OGDH: variants seen among roughly 807,000 people sequenced by gnomAD.
OGDH encodes oxoglutarate dehydrogenase.
OGDH carries 38 observed loss-of-function variants against 116.6 expected under a neutral mutation model. The observed-to-expected ratio is 0.33, with a 90% CI of 0.25 to 0.43. The LOEUF (loss-of-function observed/expected upper bound fraction) is 0.43, where lower values mean the gene tolerates loss of function less well. Among genes scored for constraint, OGDH ranks in the 20% least tolerant of loss-of-function variants. The pLI is 1.00. For missense variants in OGDH, 825 were observed against 1,357.2 expected (o/e 0.61, Z 6.16); for synonymous variants, 488 against 533.3 (o/e 0.92, Z 1.17).
Position 44,681,593 on chromosome 7 carries a change from A to G in OGDH, c.1207-127A>G, listed in dbSNP as rs562193579. On this transcript the variant is annotated intron_variant, in intron 9 of 22. Coordinates refer to ENST00000222673, the MANE Select transcript of OGDH (RefSeq NM_002541.4). ...TTGGGGCCCTGTGGACTTTCCTGCT[A>G]CTTTCTATGTTTGAAATTATCTCAA... 5.2e-6 allele frequency: 7 copies of G among 1,335,508 alleles called. No individual in the cohort carries two copies. In the Admixed American group the frequency reaches 1.1e-4, roughly 21 times the overall value. 82.7% of individuals were successfully genotyped at this position (1,335,508 alleles called of 1,614,324 possible). A position where few individuals can be genotyped will look rare whatever the true frequency, so the allele number is the denominator to read the frequency against.
chr7:44,658,325 T>C (rs1314907649), intron 4 of OGDH, among the ~76,000 whole-genome samples: 1 of 152,200 alleles, frequency 6.6e-6, no homozygotes, highest in Non-Finnish European at 1.5e-5. Flanking sequence ...TGTTTTGTTA[T>C]ATTTACACTT....
At chr7:44,665,744 G>C (rs1787157727) in intron 4 of OGDH, among the ~76,000 whole-genome samples, 1 of 152,150 alleles carries the variant, frequency 6.6e-6, no homozygotes, top group Admixed American at 6.5e-5. Flanking sequence ...GCTGATGTAA[G>C]GTATTCAAGC....
intron 4 of OGDH, among the ~76,000 whole-genome samples, chr7:44,660,164 A>G (rs1387175336): frequency 2.0e-5 from 3 of 152,156 alleles, no homozygotes; most frequent in African/African-American, 7.2e-5. Flanking sequence ...TTGCTCTGTC[A>G]TTCAGGCTAT....
chr7:44,695,874 A>C lies in OGDH; in HGVS notation c.1669-151A>C, dbSNP rs930927233. The stretch of plus-strand genomic sequence containing the variant: ...AGGCTGAGATGTTTTGCATCCACGA[A>C]GTGTGGGACTATGGGTGGGCATGCA... On this transcript the variant is annotated intron_variant, in intron 12 of 22. Transcript: ENST00000222673. 12 of 598,216 alleles carry C rather than the reference A, an allele frequency of 2.0e-5. No homozygotes were observed. In the African/African-American group the frequency reaches 2.2e-4, roughly 11 times the overall value. 37.1% of individuals were successfully genotyped at this position (598,216 alleles called of 1,614,324 possible). A position where few individuals can be genotyped will look rare whatever the true frequency, so the allele number is the denominator to read the frequency against.
At chr7:44,687,152 C>G (rs1585367830) in intron 10 of OGDH, among the ~76,000 whole-genome samples, 2 of 130,558 alleles carry the variant, frequency 1.5e-5, no homozygotes, top group Middle Eastern at 0.011. Context: ...GGCTAGAGTG[C>G]AGTGGAGTGA....
At position 44,694,510 on chromosome 7, in the gene OGDH, G is replaced by C. The variant is rs777364917; in HGVS notation, c.1602G>C (p.Lys534Asn). Reference protein sequence around the residue: ...PLMYKQIRKQKPVLQKYAELL... With the variant: ...PLMYKQIRKQNPVLQKYAELL... ...TGTACAAGCAGATCCGCAAGCAGAA[G>C]CCTGTGTTACAGAAGTACGCTGAGC... is the stretch of plus-strand genomic sequence containing the variant. The change falls in exon 12 of 23, where the codon AAG becomes AAC. Residue 534 changes from lysine to asparagine, a missense_variant. Physicochemically the swap from Lys to Asn is moderately conservative, Grantham distance 94. Around this residue, in one of 7 missense-constraint regions of OGDH, gnomAD observed 146 missense variants for 317.3 expected, o/e 0.46. Transcript: ENST00000222673. This position sits in a 1 kb window ranked among gnomAD's most constrained non-coding sequence, Gnocchi z 4.2. The C allele has an allele frequency of 6.2e-7, 1 of 1,614,058 alleles. No individual in the cohort carries two copies. The highest frequency in any genetic ancestry group is 8.5e-7 in the Non-Finnish European group (1 of 1,180,020).
chr7:44,606,732 A>G (rs1436308034), intron 1 of OGDH, 79 bp downstream of exon 1: 2 of 152,370 alleles, frequency 1.3e-5, no homozygotes, highest in Non-Finnish European at 2.9e-5. Flanking sequence ...AGATCGCGGT[A>G]AAGGGGGAGG....
At chr7:44,626,342 CA>C (rs1785208018) in intron 2 of OGDH, among the ~76,000 whole-genome samples, 1 of 151,016 alleles carries the variant, frequency 6.6e-6, no homozygotes, top group East Asian at 1.9e-4. Context: ...CCCCTACACA[CA>C]CACACACACA....
At chr7:44,669,534 T>C (rs796663303) in intron 5 of OGDH, among the ~76,000 whole-genome samples, 8 of 151,968 alleles carry the variant, frequency 5.3e-5, no homozygotes, top group African/African-American at 1.7e-4. Flanking sequence ...CAGTGTCACC[T>C]CTCAGGGGCC....
At chr7:44,695,387 C>T (rs376542123) in intron 12 of OGDH, among the ~76,000 whole-genome samples, 1 of 152,126 alleles carries the variant, frequency 6.6e-6, no homozygotes, top group Non-Finnish European at 1.5e-5. Context: ...TGAGCCACTG[C>T]GCCTGGCCTG....
chr7:44,607,980 C>T (rs1469466923), intron 1 of OGDH, among the ~76,000 whole-genome samples: 1 of 150,670 alleles, frequency 6.6e-6, no homozygotes, highest in Non-Finnish European at 1.5e-5. Context: ...GGATTACAGG[C>T]GTGAGCCACT....
Position 44,647,769 on chromosome 7 carries a change from TGAGAG to T in OGDH, c.517+11_517+15del. The T allele has an allele frequency of 6.2e-7, 1 of 1,610,462 alleles. No individual in the cohort carries two copies. ...TCCACAGACAAACTTGGTGAGGGTCTGAGAGCAGTCAGCTGCGTTGCTTGAGCTCC... is the reference window on the plus strand; with the variant it reads ...TCCACAGACAAACTTGGTGAGGGTCTCAGTCAGCTGCGTTGCTTGAGCTCC... On this transcript the variant is annotated intron_variant, in intron 4 of 22. Coordinates refer to ENST00000222673, the MANE Select transcript of OGDH (RefSeq NM_002541.4).
Position 44,698,178 on chromosome 7 carries a change from G to A in OGDH, c.2359-14G>A, listed in dbSNP as rs372497469. On this transcript the variant is annotated splice_polypyrimidine_tract_variant and intron_variant, in intron 17 of 22. Coordinates refer to ENST00000222673, the MANE Select transcript of OGDH (RefSeq NM_002541.4). ...CAAGAGCTCTTAAACTGTAACTTGC[G>A]TGTGTGGTTCCAGGGTCCAGAACAT... 4.8e-5 allele frequency: 77 copies of A among 1,614,002 alleles called. 1 individual carries two copies. The highest frequency in any genetic ancestry group is 1.6e-4 in the Middle Eastern group (1 of 6,078).
At chr7:44,652,344 A>G (rs986589831) in intron 4 of OGDH, among the ~76,000 whole-genome samples, 1 of 152,066 alleles carries the variant, frequency 6.6e-6, no homozygotes, top group East Asian at 1.9e-4. Flanking sequence ...TCCTGACCTC[A>G]GGTGATGCCC....
At chr7:44,653,911 G>A (rs1432734694) in intron 4 of OGDH, among the ~76,000 whole-genome samples, 2 of 151,870 alleles carry the variant, frequency 1.3e-5, no homozygotes, top group Non-Finnish European at 2.9e-5. Flanking sequence ...CTGGAGTGCA[G>A]TGGCAGGATC....
At chr7:44,610,295 G>GTT (rs112204405) in intron 1 of OGDH, among the ~76,000 whole-genome samples, 4 of 148,524 alleles carry the variant, frequency 2.7e-5, no homozygotes, top group African/African-American at 9.9e-5. Context: ...TTTCATCTTG[G>GTT]TTTTTTTTTT....
chr7:44,646,157 AG>A (rs773165766), intron 3 of OGDH, among the ~76,000 whole-genome samples: 12 of 152,310 alleles, frequency 7.9e-5, no homozygotes, highest in Non-Finnish European at 1.5e-4. Context: ...ATACATGGGG[AG>A]AGCCTAGAGT....
chr7:44,707,859 C>T lies in OGDH; in HGVS notation c.2952-20C>T, dbSNP rs762491995. On this transcript the variant is annotated intron_variant, in intron 22 of 22. Transcript: ENST00000222673. The surrounding 1 kb of genome is among the most constrained non-coding windows in gnomAD (Gnocchi z 5.2). ...ACTCAGTGTCCCCTGCCCTCACTGC[C>T]CCCTCCCTCCATCTCTCAGGTATGC... 18 of 1,610,736 alleles carry T rather than the reference C, an allele frequency of 1.1e-5. 1 individual carries two copies. The highest frequency in any genetic ancestry group is 1.1e-4 in the East Asian group (5 of 44,884).
intron 2 of OGDH, among the ~76,000 whole-genome samples, chr7:44,628,880 T>G (rs1785309360): frequency 6.6e-6 from 1 of 152,158 alleles, no homozygotes; most frequent in Non-Finnish European, 1.5e-5. Flanking sequence ...CAGAATCCGG[T>G]TAACTAGCTG....
Sources: gnomAD v4.1 joint callset for allele counts (sites outside exome capture counted in the v4.1 genomes callset) on GRCh38, gnomAD v4.1.1 for gene constraint, gnomAD v4.1.1 regional missense constraint, Gnocchi (gnomAD v3.1) non-coding constraint, MANE v1.5 for transcripts, NCBI Gene and HGNC (gene_info 2026-07-23, HGNC 2026-07-21) for gene names.